MYO9A: variants seen among roughly 807,000 people sequenced by gnomAD.
The protein encoded by MYO9A is myosin IXA.
Under a neutral mutation model 293.3 loss-of-function variants are expected in MYO9A, and 103 were observed. The ratio of observed to expected loss-of-function variants is 0.35; its 90% CI spans 0.30 to 0.41. The LOEUF is 0.41. Among genes scored for constraint, MYO9A ranks in the 10% least tolerant of loss-of-function variants. The probability of loss-of-function intolerance (pLI) is 1.00; values close to 1 mark genes in which losing one functional copy is unlikely to be tolerated. For missense variants in MYO9A, 2,685 were observed against 3,033.0 expected, an observed-to-expected ratio of 0.89 and a Z score of 2.69; for synonymous variants, 1,001 against 1,035.7, an observed-to-expected ratio of 0.97 and a Z score of 0.64.
intron 18 of MYO9A, among the ~76,000 whole-genome samples, chr15:71,925,056 T>C (rs1030419704): frequency 6.6e-6 from 1 of 152,128 alleles, no homozygotes; most frequent in Admixed American, 6.6e-5. Context: ...TTCTGTCTGG[T>C]TGTCCTATCC....
At chr15:71,894,567 G>A (rs1326622189) in intron 25 of MYO9A, among the ~76,000 whole-genome samples, 1 of 152,138 alleles carries the variant, frequency 6.6e-6, no homozygotes, top group Non-Finnish European at 1.5e-5. Context: ...TGACAAGAGT[G>A]AAACTGTCTC....
At chr15:71,874,808 G>A (rs1321737457) in intron 32 of MYO9A, among the ~76,000 whole-genome samples, 1 of 152,092 alleles carries the variant, frequency 6.6e-6, no homozygotes, top group African/African-American at 2.4e-5. Flanking sequence ...CAAAGCAACT[G>A]GCTCAACATA....
chr15:71,896,331 C>T (rs1241686494), intron 25 of MYO9A, among the ~76,000 whole-genome samples: 1 of 152,120 alleles, frequency 6.6e-6, no homozygotes, highest in Non-Finnish European at 1.5e-5. Flanking sequence ...ATACAGCCCT[C>T]CTTTCATTTC....
chr15:72,027,912 C>A (rs916349213), intron 3 of MYO9A, 119 bp from the exon 4 acceptor site: 4 of 736,714 alleles, frequency 5.4e-6, no homozygotes, highest in Non-Finnish European at 8.7e-6. Flanking sequence ...AAATATGCGC[C>A]ATTGGCCGGG....
rs912691789 is a variant in MYO9A, at chr15:72,066,977, T to C, written c.-71-20343A>G. On this transcript the variant is annotated intron_variant, in intron 1 of 41. Coordinates refer to ENST00000356056, the MANE Select transcript of MYO9A (RefSeq NM_006901.4). The stretch of plus-strand genomic sequence containing the variant: ...TATTTGAAGTTAAACTGGTATTCCA[T>C]ATAATAAATGTATTATTATACTGCA... Among the ~76,000 whole-genome samples, 72 of 150,668 alleles carry C rather than the reference T, an allele frequency of 4.8e-4. 1 individual carries two copies. Among genetic ancestry groups the C allele is most frequent in the African/African-American group, 1.5e-3 (63 of 41,206 alleles).
Position 71,994,554 on chromosome 15 carries a change from G to A in MYO9A, c.1502C>T (p.Ser501Phe). Residue 501 changes from serine to phenylalanine, a missense_variant, in exon 10 of 42, where the codon TCT becomes TTT. Physicochemically the swap from Ser to Phe is radical, Grantham distance 155. Around this residue, in one of 10 missense-constraint regions of MYO9A, gnomAD observed 289 missense variants for 456.8 expected, o/e 0.63. Transcript: ENST00000356056. ...AVTVRNSMAK[S>F]LYSALFDWIV... ...CCAGTCAAACAGGGCACTATACAGA[G>A]ACTTAGCCATGGAGTTCCTCACTGT... 1 of 1,607,978 alleles carries A rather than the reference G, an allele frequency of 6.2e-7. No homozygotes were observed. Among genetic ancestry groups the A allele is most frequent in the East Asian group, 2.2e-5 (1 of 44,690 alleles).
intron 39 of MYO9A, among the ~76,000 whole-genome samples, chr15:71,848,157 C>A (rs1276899178): frequency 6.6e-6 from 1 of 151,518 alleles, no homozygotes; most frequent in Non-Finnish European, 1.5e-5. Flanking sequence ...TGAAAACTGA[C>A]TTCAGGGTAA....
chr15:71,904,133 T>C, intron 20 of MYO9A, 94 bp from the exon 21 acceptor site: 2 of 979,434 alleles, frequency 2.0e-6, no homozygotes, highest in Non-Finnish European at 3.1e-6. Flanking sequence ...TATCTAGAGA[T>C]TGACTGGAGG....
At chr15:71,924,302 C>T (rs1171835228) in intron 18 of MYO9A, among the ~76,000 whole-genome samples, 1 of 151,984 alleles carries the variant, frequency 6.6e-6, no homozygotes, top group African/African-American at 2.4e-5. Context: ...AGCCCAGTGG[C>T]GTGATCTCGG....
At chr15:71,900,502 G>GA (rs2057454017) in intron 23 of MYO9A, among the ~76,000 whole-genome samples, 4 of 151,904 alleles carry the variant, frequency 2.6e-5, no homozygotes, top group African/African-American at 9.7e-5. Context: ...AAGATAAATA[G>GA]AAAAAAGTTT....
chr15:72,075,768 A>G (rs2150261987), intron 1 of MYO9A, among the ~76,000 whole-genome samples: 1 of 151,628 alleles, frequency 6.6e-6, no homozygotes, highest in Non-Finnish European at 1.5e-5. Flanking sequence ...CTACAAAAAA[A>G]ATTTATAATA....
At chr15:71,846,143 G>A (rs1596015886) in intron 39 of MYO9A, among the ~76,000 whole-genome samples, 1 of 152,194 alleles carries the variant, frequency 6.6e-6, no homozygotes, top group Non-Finnish European at 1.5e-5. Context: ...ACCATATCTT[G>A]CAAGGGACTA....
chr15:71,849,991 C>G, intron 38 of MYO9A, 45 bp downstream of exon 38: 1 of 1,507,144 alleles, frequency 6.6e-7, no homozygotes, highest in South Asian at 1.2e-5. Context: ...ACTACATAGT[C>G]AGAAGTCCCT....
At chr15:71,970,994 T>C (rs1245766538) in intron 12 of MYO9A, among the ~76,000 whole-genome samples, 1 of 151,528 alleles carries the variant, frequency 6.6e-6, no homozygotes, top group Non-Finnish European at 1.5e-5. Flanking sequence ...CCATCTCTAC[T>C]GAAAAAACAC....
At chr15:71,893,810 T>C in intron 25 of MYO9A, 32 bp from the exon 26 acceptor site, 1 of 1,568,058 alleles carries the variant, frequency 6.4e-7, no homozygotes, top group Non-Finnish European at 8.8e-7. Context: ...TACATTTCAG[T>C]TCTTAGCAGA....
chr15:72,052,939 C>G (rs1311358308), intron 1 of MYO9A, among the ~76,000 whole-genome samples: 2 of 151,072 alleles, frequency 1.3e-5, no homozygotes, highest in Non-Finnish European at 2.9e-5. Context: ...GGCAGAGGCG[C>G]CAGTGGCCAC....
chr15:71,989,573 G>A (rs1026823985), intron 11 of MYO9A, among the ~76,000 whole-genome samples: 2 of 152,164 alleles, frequency 1.3e-5, no homozygotes, highest in East Asian at 3.8e-4. Flanking sequence ...CTGACTGACT[G>A]TACTTAGCAT....
chr15:71,828,240 G>A (rs2054588376), intron 40 of MYO9A, among the ~76,000 whole-genome samples: 2 of 152,162 alleles, frequency 1.3e-5, no homozygotes, highest in Admixed American at 1.3e-4. Context: ...AGCCAATCTA[G>A]GACCAATAAT....
chr15:71,869,283 GATATC>G (rs1404301079), intron 32 of MYO9A, among the ~76,000 whole-genome samples: 13 of 152,206 alleles, frequency 8.5e-5, no homozygotes, highest in South Asian at 6.2e-4. Flanking sequence ...AGGACAAATA[GATATC>G]ATATATCTCC....
Sources: allele counts gnomAD v4.1 joint callset (sites outside exome capture counted in the v4.1 genomes callset), GRCh38; gene constraint gnomAD v4.1.1; regional missense constraint gnomAD v4.1.1; transcripts MANE v1.5; gene names NCBI Gene and HGNC (gene_info 2026-07-23, HGNC 2026-07-21).